Variants in RIMS1 observed in about 807,000 individuals in gnomAD.
RIMS1 encodes the protein regulating synaptic membrane exocytosis protein 1.
Under a neutral mutation model 214.1 loss-of-function variants are expected in RIMS1, and 83 were observed. That is an observed-to-expected ratio of 0.39 (90% CI 0.32 to 0.47). The LOEUF is 0.47. Ranked by LOEUF, RIMS1 falls within the 20% of genes least tolerant of loss-of-function variation. The probability of loss-of-function intolerance (pLI) is 0.99; values close to 1 mark genes in which losing one functional copy is unlikely to be tolerated. For synonymous variants in RIMS1, 793 were observed against 786.8 expected (o/e 1.01, Z -0.13); for missense variants, 2,050 against 2,161.8 (o/e 0.95, Z 1.03).
chr6:72,069,190 G>C (rs1830032863), intron 2 of RIMS1, among the ~76,000 whole-genome samples: 1 of 152,218 alleles, frequency 6.6e-6, no homozygotes, highest in South Asian at 2.1e-4. Context: ...TGGGAAGCTG[G>C]ACCTAATTTT....
At chr6:72,049,665 G>T (rs186955264) in intron 2 of RIMS1, among the ~76,000 whole-genome samples, 16 of 152,088 alleles carry the variant, frequency 1.1e-4, no homozygotes, top group Admixed American at 1.0e-3. Flanking sequence ...AAGACTTTGC[G>T]TATAATTTTT....
chr6:71,915,337 A>C (rs998445954), intron 1 of RIMS1, among the ~76,000 whole-genome samples: 1 of 152,184 alleles, frequency 6.6e-6, no homozygotes, highest in Non-Finnish European at 1.5e-5. Context: ...GATCCAGAAG[A>C]AATCAGTCTA....
At chr6:72,306,250 T>G (rs944127730) in intron 26 of RIMS1, among the ~76,000 whole-genome samples, 1 of 151,432 alleles carries the variant, frequency 6.6e-6, no homozygotes, top group Non-Finnish European at 1.5e-5. Flanking sequence ...CACACACGCA[T>G]GCTCACACAC....
At chr6:71,922,454 C>T (rs1307397846) in intron 1 of RIMS1, among the ~76,000 whole-genome samples, 2 of 152,090 alleles carry the variant, frequency 1.3e-5, no homozygotes, top group Non-Finnish European at 2.9e-5. Flanking sequence ...GCAGGTGGAT[C>T]GATTGAGCCT....
intron 2 of RIMS1, among the ~76,000 whole-genome samples, chr6:71,986,376 G>C (rs1799972920): frequency 6.6e-6 from 1 of 151,826 alleles, no homozygotes; most frequent in African/African-American, 2.4e-5. Flanking sequence ...AAATATTTCT[G>C]GTGGACAAAA....
At chr6:72,239,152 C>A (rs1590071922) in intron 9 of RIMS1, among the ~76,000 whole-genome samples, 3 of 152,092 alleles carry the variant, frequency 2.0e-5, no homozygotes. Flanking sequence ...CTGAGAATCC[C>A]TTGTTGGCTA....
chr6:72,220,256 T>G (rs1013659406), intron 6 of RIMS1, among the ~76,000 whole-genome samples: 1 of 152,144 alleles, frequency 6.6e-6, no homozygotes, highest in African/African-American at 2.4e-5. Context: ...CACTCATTCC[T>G]TTAGTCCCTT....
Position 72,291,334 on chromosome 6 carries a change from A to G in RIMS1, c.3737+473A>G, listed in dbSNP as rs1477092608. Among the ~76,000 whole-genome samples, 10 of 152,300 alleles carry G rather than the reference A, an allele frequency of 6.6e-5. No individual in the cohort carries two copies. In the South Asian group the frequency reaches 8.3e-4, roughly 13 times the overall value. On this transcript the variant is annotated intron_variant, in intron 25 of 33. Coordinates refer to ENST00000521978, the MANE Select transcript of RIMS1 (RefSeq NM_014989.7). ...CCGCTTAATCCTGGGCAGTAGTAAT[A>G]TATCGGCACACTTCTCAAACTTTTA...
At chr6:72,304,866 G>A (rs990849472) in intron 26 of RIMS1, among the ~76,000 whole-genome samples, 8 of 152,064 alleles carry the variant, frequency 5.3e-5, no homozygotes, top group Non-Finnish European at 1.0e-4. Flanking sequence ...GAATCCGAGA[G>A]CAAGAGTGAG....
At chr6:72,257,744 A>G (rs2076466154) in intron 16 of RIMS1, among the ~76,000 whole-genome samples, 1 of 152,220 alleles carries the variant, frequency 6.6e-6, no homozygotes, top group Non-Finnish European at 1.5e-5. Context: ...AAGAGACTCC[A>G]AACTTCTAAG....
chr6:72,391,361 T>TA (rs1210469114), intron 30 of RIMS1, among the ~76,000 whole-genome samples: 1 of 151,562 alleles, frequency 6.6e-6, no homozygotes, highest in African/African-American at 2.4e-5. Context: ...TCTTTTTTTT[T>TA]TTTTTTTACC....
chr6:72,020,593 T>G (rs1814315253), intron 2 of RIMS1, among the ~76,000 whole-genome samples: 1 of 152,166 alleles, frequency 6.6e-6, no homozygotes, highest in South Asian at 2.1e-4. Context: ...TCCTTTTATT[T>G]CTCCATTTGC....
chr6:72,387,605 C>T (rs903360548), intron 29 of RIMS1, among the ~76,000 whole-genome samples: 2 of 152,160 alleles, frequency 1.3e-5, no homozygotes, highest in East Asian at 1.9e-4. Flanking sequence ...TCCCTGCCTT[C>T]GGTAAGTGTG....
intron 28 of RIMS1, among the ~76,000 whole-genome samples, chr6:72,324,989 CT>C (rs150001616): frequency 0.099 from 15,012 of 151,848 alleles, 867 homozygotes; most frequent in Non-Finnish European, 0.14. Flanking sequence ...TAAGAATAAA[CT>C]AAAAAGCTGA....
At chr6:72,136,307 C>T (rs1273435821) in intron 4 of RIMS1, among the ~76,000 whole-genome samples, 1 of 151,440 alleles carries the variant, frequency 6.6e-6, no homozygotes, top group Non-Finnish European at 1.5e-5. Context: ...GGAAAATATT[C>T]CCAAATTGTT....
chr6:72,149,767 G>T (rs896447969), intron 4 of RIMS1, among the ~76,000 whole-genome samples: 1 of 152,198 alleles, frequency 6.6e-6, no homozygotes, highest in Non-Finnish European at 1.5e-5. Flanking sequence ...CTAGCTGGGG[G>T]CTTCCACAGC....
At chr6:72,122,984 C>G (rs1240717011) in intron 4 of RIMS1, among the ~76,000 whole-genome samples, 1 of 151,776 alleles carries the variant, frequency 6.6e-6, no homozygotes, top group Non-Finnish European at 1.5e-5. Context: ...TAATTCTGCT[C>G]AGATCTTAGT....
rs780804829 is a variant in RIMS1 at position 72,265,424 on chromosome 6, G to A, written c.3229G>A (p.Val1077Met). Residue 1077 changes from valine (V) to methionine (M), a missense_variant, in exon 21 of 34, where the codon GTG becomes ATG. Transcript: ENST00000521978. The stretch of plus-strand genomic sequence containing the variant: ...GCCTGCACATACTAAGACCAAATCA[G>A]TGACTAGACAGGACATTTCCCTTCA... ...ILPAHTKTKS[V>M]TRQDISLHHE... 1.2e-6 allele frequency: 2 copies of A among 1,609,162 alleles called. No homozygotes were observed. The highest frequency in any genetic ancestry group is 1.7e-6 in the Non-Finnish European group (2 of 1,176,572).
intron 6 of RIMS1, among the ~76,000 whole-genome samples, chr6:72,191,319 G>A (rs530323981): frequency 6.6e-6 from 1 of 152,326 alleles, no homozygotes; most frequent in East Asian, 1.9e-4. Flanking sequence ...TCCTTAGAGG[G>A]AATATCTTGA....
Sources: allele counts gnomAD v4.1 joint callset (sites outside exome capture counted in the v4.1 genomes callset), GRCh38; gene constraint gnomAD v4.1.1; transcripts MANE v1.5; gene names NCBI Gene and HGNC (gene_info 2026-07-23, HGNC 2026-07-21).